The following WDFY3 variants were observed in gnomAD, a reference collection of about 807,000 sequenced individuals.
WDFY3 encodes WD repeat and FYVE domain containing 3, also known as WD repeat and FYVE domain-containing protein 3.
A neutral mutation model predicts 409.6 loss-of-function variants in WDFY3; 66 were observed. The observed-to-expected ratio is 0.16, with a 90% confidence interval of 0.13 to 0.20. The LOEUF (loss-of-function observed/expected upper bound fraction) is 0.20. Among genes scored for constraint, WDFY3 ranks in the 10% least tolerant of loss-of-function variants. The pLI, the probability that WDFY3 is intolerant of heterozygous loss-of-function variation, is 1.00. For synonymous variants in WDFY3, 1,521 were observed against 1,537.1 expected (o/e 0.99, Z 0.25); for missense variants, 3,031 against 4,298.1 (o/e 0.71, Z 8.24).
chr4:84,706,489 G>T (rs776663129), intron 53 of WDFY3, among the ~76,000 whole-genome samples: 1 of 150,326 alleles, frequency 6.7e-6, no homozygotes, highest in Non-Finnish European at 1.5e-5. Flanking sequence ...CTACGATTGA[G>T]TAGGGTCAAA....
intron 34 of WDFY3, 32 bp downstream of exon 34, chr4:84,755,234 C>A (rs1013942066): frequency 4.4e-6 from 7 of 1,595,654 alleles, no homozygotes; most frequent in Non-Finnish European, 6.0e-6. Context: ...AGGAGGAATT[C>A]TCAATAGGCC....
intron 2 of WDFY3, among the ~76,000 whole-genome samples, chr4:84,928,243 C>T (rs774298902): frequency 6.6e-6 from 1 of 152,140 alleles, no homozygotes; most frequent in African/African-American, 2.4e-5. Flanking sequence ...TAGCATCAAC[C>T]CCTCTCCCTC....
At chr4:84,768,740 T>C (rs1252808566) in intron 30 of WDFY3, among the ~76,000 whole-genome samples, 1 of 152,222 alleles carries the variant, frequency 6.6e-6, no homozygotes, top group Non-Finnish European at 1.5e-5. Flanking sequence ...ATCCATTCTG[T>C]AGCCCATGAA....
intron 30 of WDFY3, among the ~76,000 whole-genome samples, chr4:84,769,380 T>A (rs1367277566): frequency 6.6e-6 from 1 of 152,162 alleles, no homozygotes; most frequent in African/African-American, 2.4e-5. Context: ...TCCATTGTTA[T>A]AGCTAACTAT....
intron 29 of WDFY3, among the ~76,000 whole-genome samples, chr4:84,773,868 C>T (rs1471561012): frequency 6.6e-6 from 1 of 151,894 alleles, no homozygotes; most frequent in Non-Finnish European, 1.5e-5. Context: ...TTACAGGTGC[C>T]CACCACCATG....
intron 1 of WDFY3, among the ~76,000 whole-genome samples, chr4:84,947,702 A>G (rs1773067813): frequency 8.4e-6 from 1 of 119,536 alleles, no homozygotes; most frequent in South Asian, 2.9e-4. Context: ...AAAAAACCCC[A>G]CATCTACCAA....
intron 4 of WDFY3, among the ~76,000 whole-genome samples, chr4:84,851,197 T>A (rs556724819): frequency 2.0e-5 from 3 of 152,096 alleles, no homozygotes; most frequent in Admixed American, 6.5e-5. Flanking sequence ...TTAATGGGTA[T>A]ATAACTAGAT....
At chr4:84,743,068 C>T (rs542708202) in intron 37 of WDFY3, among the ~76,000 whole-genome samples, 6 of 152,084 alleles carry the variant, frequency 3.9e-5, no homozygotes, top group African/African-American at 7.2e-5. Flanking sequence ...AAATTTACTT[C>T]GGGAAAAAAA....
intron 3 of WDFY3, among the ~76,000 whole-genome samples, chr4:84,896,276 A>T (rs914101734): frequency 1.3e-5 from 2 of 152,018 alleles, no homozygotes; most frequent in Non-Finnish European, 2.9e-5. Flanking sequence ...TAAAATAAAA[A>T]ATAAAAAGGT....
chr4:84,699,337 T>C (rs1730695890), intron 56 of WDFY3, among the ~76,000 whole-genome samples: 1 of 152,200 alleles, frequency 6.6e-6, no homozygotes, highest in Non-Finnish European at 1.5e-5. Flanking sequence ...CTGGCTTCTT[T>C]CACTTTGCGT....
intron 9 of WDFY3, among the ~76,000 whole-genome samples, chr4:84,828,076 A>G: frequency 8.1e-6 from 1 of 124,058 alleles, no homozygotes; most frequent in Non-Finnish European, 1.6e-5. Context: ...GAGACCCCAG[A>G]GGGAGGGAGG....
rs1260418431 is a variant in WDFY3 at position 84,809,637 on chromosome 4, G to A, written c.2345+250C>T. On this transcript the variant is annotated intron_variant, in intron 14 of 67. Transcript: ENST00000295888. Reference sequence around the variant, plus strand: ...CATTAAAGGAAACTTCATAGAAACTGTTCCAATAACTGCAATGAGAACTAA... The same window carrying A: ...CATTAAAGGAAACTTCATAGAAACTATTCCAATAACTGCAATGAGAACTAA... 1.3e-5 allele frequency: 5 copies of A among 372,000 alleles called. No individual in the cohort carries two copies. The East Asian group carries it at 1.9e-4, about 14-fold the overall frequency. 23.0% of individuals were successfully genotyped at this position (372,000 alleles called of 1,614,324 possible).
chr4:84,812,457 C>T (rs937318557), intron 13 of WDFY3, among the ~76,000 whole-genome samples: 3 of 152,042 alleles, frequency 2.0e-5, no homozygotes, highest in Non-Finnish European at 2.9e-5. Flanking sequence ...ATTTAACCAT[C>T]CCAGTTACTT....
intron 27 of WDFY3, 56 bp downstream of exon 27, chr4:84,778,447 T>A: frequency 7.1e-7 from 1 of 1,409,652 alleles, no homozygotes; most frequent in Non-Finnish European, 9.4e-7. Context: ...TATAATCATA[T>A]GGAGTAAGAA....
At chr4:84,731,317 G>A (rs974801007) in intron 44 of WDFY3, among the ~76,000 whole-genome samples, 2 of 152,134 alleles carry the variant, frequency 1.3e-5, no homozygotes, top group African/African-American at 2.4e-5. Context: ...CTGCCGGAAT[G>A]CACATTCCAA....
intron 26 of WDFY3, among the ~76,000 whole-genome samples, chr4:84,778,942 G>A (rs1746030282): frequency 6.6e-6 from 1 of 151,950 alleles, no homozygotes. Context: ...TATGTAAATA[G>A]TTACCAACGC....
intron 3 of WDFY3, among the ~76,000 whole-genome samples, chr4:84,872,674 G>T (rs1762281901): frequency 6.6e-6 from 1 of 151,950 alleles, no homozygotes; most frequent in South Asian, 2.1e-4. Context: ...CCAATTAAAG[G>T]ATAGAGAATG....
chr4:84,704,164 C>A (rs767423351), intron 55 of WDFY3, among the ~76,000 whole-genome samples, 174 bp downstream of exon 55: 79 of 152,260 alleles, frequency 5.2e-4, no homozygotes, highest in Admixed American at 1.4e-3. Flanking sequence ...TAAGCGAATT[C>A]TAGTTCATTA....
intron 25 of WDFY3, among the ~76,000 whole-genome samples, chr4:84,781,037 A>G (rs1248387371): frequency 6.6e-6 from 1 of 152,104 alleles, no homozygotes; most frequent in African/African-American, 2.4e-5. Context: ...AACTCTGTGA[A>G]CTGGAGAAAG....
Sources: allele counts gnomAD v4.1 joint callset (sites outside exome capture counted in the v4.1 genomes callset), GRCh38; gene constraint gnomAD v4.1.1; transcripts MANE v1.5; gene names NCBI Gene and HGNC (gene_info 2026-07-23, HGNC 2026-07-21).